The following UBR3 variants were observed in gnomAD, a reference collection of about 807,000 sequenced individuals.
UBR3 encodes ubiquitin protein ligase E3 component n-recognin 3.
UBR3 carries 85 observed loss-of-function variants against 243.2 expected under a neutral mutation model. The observed-to-expected ratio is 0.35, with a 90% CI of 0.29 to 0.42. UBR3 has a LOEUF of 0.42. Ranked by LOEUF, UBR3 falls within the 10% of genes least tolerant of loss-of-function variation. The pLI, the probability that UBR3 is intolerant of heterozygous loss-of-function variation, is 1.00. For missense variants in UBR3, 1,686 were observed against 2,300.8 expected, an observed-to-expected ratio of 0.73 and a Z score of 5.47; for synonymous variants, 748 against 799.8, an observed-to-expected ratio of 0.94 and a Z score of 1.09.
At chr2:169,960,177 G>C (rs2087500401) in intron 24 of UBR3, among the ~76,000 whole-genome samples, 1 of 149,830 alleles carries the variant, frequency 6.7e-6, no homozygotes, top group South Asian at 2.1e-4. Context: ...GCTTGAACCA[G>C]GAGACAGGTT....
intron 3 of UBR3, 80 bp downstream of exon 3, chr2:169,876,029 G>A (rs1385924637): frequency 8.4e-7 from 1 of 1,186,444 alleles, no homozygotes; most frequent in Non-Finnish European, 1.1e-6. Flanking sequence ...AGAACTTAAA[G>A]GTAAATTGTA....
intron 1 of UBR3, among the ~76,000 whole-genome samples, chr2:169,860,879 A>T (rs1242597096): frequency 1.3e-5 from 2 of 151,968 alleles, no homozygotes; most frequent in African/African-American, 4.8e-5. Flanking sequence ...GAGTCCCAAA[A>T]CCTCGAAAGT....
chr2:169,921,412 G>C (rs1210116582), intron 11 of UBR3, among the ~76,000 whole-genome samples: 1 of 152,118 alleles, frequency 6.6e-6, no homozygotes, highest in Non-Finnish European at 1.5e-5. Context: ...GTATATATAG[G>C]AATAGAAGAA....
chr2:169,941,137 A>G (rs2086567019), intron 19 of UBR3, among the ~76,000 whole-genome samples: 1 of 152,194 alleles, frequency 6.6e-6, no homozygotes, highest in Non-Finnish European at 1.5e-5. Flanking sequence ...CACAGTGCTT[A>G]CCATCATTCA....
At position 170,080,674 on chromosome 2, in the gene UBR3, C is replaced by T. The variant is rs2091890786; in HGVS notation, c.5539C>T (p.Arg1847Trp). Reference protein sequence around the residue: ...VYLDAHGEEDRDLRRGKPLYI... With the variant: ...VYLDAHGEEDWDLRRGKPLYI... Reference sequence around the variant, plus strand: ...TTTGGATGCTCATGGAGAGGAAGACCGGGATCTTAGGTTAGATGTTCATGG... The same window carrying T: ...TTTGGATGCTCATGGAGAGGAAGACTGGGATCTTAGGTTAGATGTTCATGG... The change falls in exon 38 of 39, where the codon CGG (arginine) becomes TGG (tryptophan). Residue 1847 changes from arginine to tryptophan, a missense_variant. Physicochemically the swap from Arg to Trp is moderately radical, Grantham distance 101. Coordinates refer to ENST00000272793, the MANE Select transcript of UBR3 (RefSeq NM_172070.4). 5 of 1,613,470 alleles carry T rather than the reference C, an allele frequency of 3.1e-6. No individual in the cohort carries two copies. Among genetic ancestry groups the T allele is most frequent in the Non-Finnish European group, 3.4e-6 (4 of 1,179,742 alleles).
At chr2:169,857,861 C>A (rs1246693796) in intron 1 of UBR3, among the ~76,000 whole-genome samples, 1 of 152,190 alleles carries the variant, frequency 6.6e-6, no homozygotes, top group Non-Finnish European at 1.5e-5. Context: ...CAGACCTCAG[C>A]CCCTCAAGTA....
intron 1 of UBR3, among the ~76,000 whole-genome samples, chr2:169,856,522 C>T (rs1417425455): frequency 1.9e-4 from 29 of 152,138 alleles, no homozygotes; most frequent in African/African-American, 7.0e-4. Context: ...GATCACGCCA[C>T]TGCACTCCAG....
At chr2:169,836,651 C>A (rs1357451517) in intron 1 of UBR3, among the ~76,000 whole-genome samples, 2 of 150,328 alleles carry the variant, frequency 1.3e-5, no homozygotes, top group East Asian at 2.0e-4. Flanking sequence ...AAAAAAAAAC[C>A]AAAAGACACT....
intron 11 of UBR3, among the ~76,000 whole-genome samples, chr2:169,914,593 TTAA>T (rs1248701178): frequency 1.3e-5 from 2 of 152,184 alleles, no homozygotes; most frequent in Non-Finnish European, 2.9e-5. Context: ...GTGATTAGTG[TTAA>T]TAATGAGAAG....
intron 33 of UBR3, among the ~76,000 whole-genome samples, chr2:170,057,727 ATACTT>A (rs2091366163): frequency 6.6e-6 from 1 of 152,168 alleles, no homozygotes; most frequent in African/African-American, 2.4e-5. Flanking sequence ...ACTTAATAAA[ATACTT>A]TATATGAGAC....
intron 18 of UBR3, 79 bp from the exon 19 acceptor site, chr2:169,932,833 A>G (rs2086187957): frequency 7.5e-6 from 9 of 1,202,692 alleles, no homozygotes; most frequent in Non-Finnish European, 1.1e-5. Flanking sequence ...TGTAAAATAT[A>G]CTTAACAAAT....
At chr2:169,977,468 A>G (rs900680999) in intron 24 of UBR3, among the ~76,000 whole-genome samples, 2 of 152,202 alleles carry the variant, frequency 1.3e-5, no homozygotes, top group Non-Finnish European at 2.9e-5. Context: ...CTGACAGTAC[A>G]GTACCCGGTC....
intron 6 of UBR3, among the ~76,000 whole-genome samples, chr2:169,892,715 T>C (rs2084422642): frequency 6.6e-6 from 1 of 152,168 alleles, no homozygotes; most frequent in Admixed American, 6.5e-5. Context: ...GGCTCAATTT[T>C]TGTAAGAATT....
chr2:169,905,229 C>G lies in UBR3; in HGVS notation c.1581C>G (p.Ala527=), dbSNP rs1277137497. Residue 527 remains alanine (A), a synonymous_variant, in exon 9 of 39, where the codon GCC becomes GCG. Transcript: ENST00000272793. Reference sequence around the variant, plus strand: ...ATATTCTTTCTCATCAAAGTGTGGCCAAGAGATTTTTGGAGGATCACGGTT... The same window carrying G: ...ATATTCTTTCTCATCAAAGTGTGGCGAAGAGATTTTTGGAGGATCACGGTT... ...FINILSHQSV[A]KRFLEDHGLL... 3.2e-6 allele frequency: 5 copies of G among 1,542,156 alleles called. No homozygotes were observed. The highest frequency in any genetic ancestry group is 2.5e-5 in the East Asian group (1 of 40,444).
At chr2:169,848,718 T>C (rs960573381) in intron 1 of UBR3, among the ~76,000 whole-genome samples, 4 of 151,846 alleles carry the variant, frequency 2.6e-5, no homozygotes, top group African/African-American at 7.3e-5. Context: ...ATTTTTTTTT[T>C]TTTTTGAGAC....
Position 169,983,201 on chromosome 2 carries a change from C to G in UBR3, c.3635-3444C>G, listed in dbSNP as rs370040320. ...GGAGAGAGAAACTATGCAAGATCAC[C>G]TGAGGCCTAGTTTTGGAAGGCATAT... is the stretch of plus-strand genomic sequence containing the variant. On this transcript the variant is annotated intron_variant, in intron 24 of 38. Coordinates refer to ENST00000272793, the MANE Select transcript of UBR3 (RefSeq NM_172070.4). Among the ~76,000 whole-genome samples, 30 of 129,936 alleles carry G rather than the reference C, an allele frequency of 2.3e-4. No homozygotes were observed. The East Asian group carries it at 3.5e-3, about 15-fold the overall frequency. 85.2% of individuals were successfully genotyped at this position (129,936 alleles called of 152,430 possible).
chr2:169,985,224 C>CTTTTTTTTTTTTTTTTTTTTTTTT (rs71006060), intron 24 of UBR3, among the ~76,000 whole-genome samples: 2 of 113,120 alleles, frequency 1.8e-5, no homozygotes, highest in African/African-American at 6.6e-5. Flanking sequence ...CAACTCTTTT[C>CTTTTTTTTTTTTTTTTTTTTTTTT]TTTTTTTTTT....
intron 1 of UBR3, among the ~76,000 whole-genome samples, chr2:169,870,993 T>C (rs1267678814): frequency 3.3e-5 from 5 of 152,142 alleles, no homozygotes; most frequent in Non-Finnish European, 5.9e-5. Flanking sequence ...TCAATTTTTC[T>C]GTTTAGGAAT....
chr2:169,939,660 C>G (rs1006497924), intron 19 of UBR3, among the ~76,000 whole-genome samples: 16 of 150,316 alleles, frequency 1.1e-4, no homozygotes, highest in African/African-American at 3.9e-4. Context: ...AACTCCTGGG[C>G]TCAAGCGATC....
Sources: gnomAD v4.1 joint callset for allele counts (sites outside exome capture counted in the v4.1 genomes callset) on GRCh38, gnomAD v4.1.1 for gene constraint, MANE v1.5 for transcripts, NCBI Gene and HGNC (gene_info 2026-07-23, HGNC 2026-07-21) for gene names.